LANCL2: variants seen among roughly 807,000 people sequenced by gnomAD.
LANCL2 encodes lanC-like protein 2.
Under a neutral mutation model 56.9 loss-of-function variants are expected in LANCL2, and 33 were observed. The observed-to-expected ratio is 0.58, with a 90% CI of 0.44 to 0.78. LANCL2 has a LOEUF of 0.78. LANCL2 is among the 30% of genes least tolerant of loss of function. LANCL2 has a pLI of 0.00. For synonymous variants in LANCL2, 233 were observed against 228.2 expected (o/e 1.02, Z -0.19); for missense variants, 562 against 580.2 (o/e 0.97, Z 0.32).
At chr7:55,369,005 A>G (rs1197192171) in intron 1 of LANCL2, among the ~76,000 whole-genome samples, 1 of 152,192 alleles carries the variant, frequency 6.6e-6, no homozygotes, top group Non-Finnish European at 1.5e-5. Flanking sequence ...GTAAAAGAGA[A>G]GAAAGAGACA....
chr7:55,420,554 C>A (rs1018651222), intron 6 of LANCL2, among the ~76,000 whole-genome samples: 1 of 152,206 alleles, frequency 6.6e-6, no homozygotes, highest in Non-Finnish European at 1.5e-5. Flanking sequence ...GTCAGTTAGG[C>A]CAATGGTTGG....
chr7:55,375,012 A>G (rs1191433369), intron 1 of LANCL2, among the ~76,000 whole-genome samples: 1 of 152,232 alleles, frequency 6.6e-6, no homozygotes, highest in Non-Finnish European at 1.5e-5. Flanking sequence ...TTAGGAGTGT[A>G]GTAGATGATT....
chr7:55,379,311 A>G (rs999885123), intron 1 of LANCL2, among the ~76,000 whole-genome samples: 4 of 152,234 alleles, frequency 2.6e-5, no homozygotes, highest in Non-Finnish European at 4.4e-5. Context: ...CAGCAGGCAG[A>G]AGGGGAGAAA....
chr7:55,412,239 C>T (rs1009299265), intron 6 of LANCL2, 150 bp downstream of exon 6: 11 of 650,826 alleles, frequency 1.7e-5, no homozygotes, highest in Non-Finnish European at 2.8e-5. Context: ...CTGTATTTTA[C>T]CACTCATCAC....
chr7:55,401,159 T>A lies in LANCL2; in HGVS notation c.679-15T>A. 1 of 1,612,722 alleles carries A rather than the reference T, an allele frequency of 6.2e-7. No individual in the cohort carries two copies. The highest frequency in any genetic ancestry group is 8.5e-7 in the Non-Finnish European group (1 of 1,178,762). The stretch of plus-strand genomic sequence containing the variant: ...TATACAGTTTTAGATTTATGCTGTC[T>A]TGTTATCTCTGTAGGTAGTCAATGC... On this transcript the variant is annotated splice_polypyrimidine_tract_variant and intron_variant, in intron 4 of 8. Transcript: ENST00000254770.
chr7:55,403,199 G>A (rs1207599734), intron 5 of LANCL2, among the ~76,000 whole-genome samples: 10 of 152,272 alleles, frequency 6.6e-5, no homozygotes, highest in South Asian at 6.2e-4. Flanking sequence ...CCGGCACCTC[G>A]GGAGGCCGAG....
intron 1 of LANCL2, among the ~76,000 whole-genome samples, chr7:55,388,681 T>G (rs893647728): frequency 6.6e-6 from 1 of 152,222 alleles, no homozygotes; most frequent in African/African-American, 2.4e-5. Flanking sequence ...CCTTGACATC[T>G]CAGACCTACA....
intron 6 of LANCL2, among the ~76,000 whole-genome samples, chr7:55,420,849 T>A (rs1439049786): frequency 6.6e-6 from 1 of 152,246 alleles, no homozygotes; most frequent in Non-Finnish European, 1.5e-5. Flanking sequence ...GAGGAGGAGT[T>A]TTACAGTCTC....
intron 2 of LANCL2, among the ~76,000 whole-genome samples, chr7:55,395,865 C>G (rs1790246072): frequency 6.6e-6 from 1 of 152,222 alleles, no homozygotes; most frequent in Non-Finnish European, 1.5e-5. Flanking sequence ...AGAAACGCAT[C>G]ATTGAGCAGT....
intron 2 of LANCL2, among the ~76,000 whole-genome samples, chr7:55,393,226 G>A (rs1439908195): frequency 6.6e-6 from 1 of 152,108 alleles, no homozygotes. Flanking sequence ...CTGAATTCTT[G>A]TAGCTTAATT....
intron 3 of LANCL2, 117 bp from the exon 4 acceptor site, chr7:55,399,840 T>C: frequency 1.3e-6 from 1 of 786,284 alleles, no homozygotes. Flanking sequence ...TTTTTAAAAA[T>C]AATTGTTTTA....
chr7:55,416,760 A>G (rs2128995744), intron 6 of LANCL2, among the ~76,000 whole-genome samples: 1 of 152,184 alleles, frequency 6.6e-6, no homozygotes, highest in Admixed American at 6.5e-5. Flanking sequence ...TCTTTTGACT[A>G]ATAGAGTTTT....
intron 6 of LANCL2, among the ~76,000 whole-genome samples, chr7:55,422,147 C>T (rs1451415560): frequency 6.6e-6 from 1 of 152,166 alleles, no homozygotes; most frequent in Admixed American, 6.5e-5. Flanking sequence ...TTGTTTCTTC[C>T]TGAAGATCCT....
intron 6 of LANCL2, among the ~76,000 whole-genome samples, chr7:55,424,389 TG>T (rs1370787935): frequency 6.6e-6 from 1 of 152,160 alleles, no homozygotes; most frequent in African/African-American, 2.4e-5. Context: ...TTCCTTGGGA[TG>T]GGTGAAGATG....
chr7:55,387,761 G>C (rs575940671), intron 1 of LANCL2, among the ~76,000 whole-genome samples: 1 of 151,854 alleles, frequency 6.6e-6, no homozygotes, highest in South Asian at 2.1e-4. Flanking sequence ...TACACAGACC[G>C]TTTATGACAT....
intron 1 of LANCL2, among the ~76,000 whole-genome samples, chr7:55,369,336 A>G (rs905334319): frequency 6.6e-6 from 1 of 152,232 alleles, no homozygotes; most frequent in Admixed American, 6.5e-5. Context: ...ATAACATTTT[A>G]TTACTAAGTA....
chr7:55,428,757 C>T (rs914171080), intron 8 of LANCL2, among the ~76,000 whole-genome samples: 1 of 152,048 alleles, frequency 6.6e-6, no homozygotes, highest in African/African-American at 2.4e-5. Context: ...TGTAATGTTG[C>T]ATATTTAATA....
intron 5 of LANCL2, among the ~76,000 whole-genome samples, chr7:55,402,867 C>T (rs1272924739): frequency 6.9e-6 from 1 of 144,540 alleles, no homozygotes; most frequent in African/African-American, 2.6e-5. Context: ...GCGCTCCCCA[C>T]ATCTCAGACG....
At chr7:55,419,168 G>C (rs1790578219) in intron 6 of LANCL2, among the ~76,000 whole-genome samples, 1 of 151,996 alleles carries the variant, frequency 6.6e-6, no homozygotes, top group African/African-American at 2.4e-5. Context: ...TTTTCAGAAA[G>C]ATTTTGTGTA....
Sources: gnomAD v4.1 joint callset for allele counts (sites outside exome capture counted in the v4.1 genomes callset) on GRCh38, gnomAD v4.1.1 for gene constraint, MANE v1.5 for transcripts, NCBI Gene and HGNC (gene_info 2026-07-23, HGNC 2026-07-21) for gene names.